Variants in GNAQ observed in about 807,000 individuals in gnomAD.
GNAQ encodes the protein G protein subunit alpha q, also known as guanine nucleotide-binding protein G(q) subunit alpha.
Under a neutral mutation model 43.9 loss-of-function variants are expected in GNAQ, and 8 were observed. The ratio of observed to expected loss-of-function variants is 0.18; its 90% CI spans 0.11 to 0.33. The LOEUF is 0.33. GNAQ is among the 10% of genes least tolerant of loss of function. The probability of loss-of-function intolerance (pLI) is 1.00; values close to 1 mark genes in which losing one functional copy is unlikely to be tolerated. For missense variants in GNAQ, 158 were observed against 450.8 expected (o/e 0.35, Z 5.88); for synonymous variants, 155 against 170.7 (o/e 0.91, Z 0.71).
chr9:77,947,655 C>T (rs951037449), intron 1 of GNAQ, among the ~76,000 whole-genome samples: 1 of 152,230 alleles, frequency 6.6e-6, no homozygotes, highest in African/African-American at 2.4e-5. Flanking sequence ...GCTGGAGAGA[C>T]AGTAAGTAGG....
intron 5 of GNAQ, among the ~76,000 whole-genome samples, chr9:77,753,287 G>GCA (rs1307299917): frequency 7.3e-5 from 11 of 150,870 alleles, no homozygotes; most frequent in Middle Eastern, 3.4e-3. Context: ...GCGTGCGCAC[G>GCA]CGCACACACA....
At chr9:77,950,174 C>T (rs180827013) in intron 1 of GNAQ, among the ~76,000 whole-genome samples, 4 of 152,304 alleles carry the variant, frequency 2.6e-5, no homozygotes, top group African/African-American at 9.6e-5. Context: ...GAAATGATTC[C>T]ATTAAGCTCA....
At position 77,987,859 on chromosome 9, in the gene GNAQ, C is replaced by T. The variant is rs371757687; in HGVS notation, c.136+43241G>A. Among the ~76,000 whole-genome samples, 13 of 152,042 alleles carry T rather than the reference C, an allele frequency of 8.6e-5. No homozygotes were observed. The South Asian group carries it at 1.5e-3, about 17-fold the overall frequency. Reference sequence around the variant, plus strand: ...CAGTGTGGGCAGCACAGTGAGACCCCCATCTCTAAAAAAGAAAAATACTAA... The same window carrying T: ...CAGTGTGGGCAGCACAGTGAGACCCTCATCTCTAAAAAAGAAAAATACTAA... On this transcript the variant is annotated intron_variant, in intron 1 of 6. Coordinates refer to ENST00000286548, the MANE Select transcript of GNAQ (RefSeq NM_002072.5).
At chr9:77,788,403 T>C (rs996783060) in intron 5 of GNAQ, among the ~76,000 whole-genome samples, 2 of 152,114 alleles carry the variant, frequency 1.3e-5, no homozygotes, top group Non-Finnish European at 2.9e-5. Flanking sequence ...AAAGACCAAA[T>C]TGCAAAATGA....
intron 2 of GNAQ, among the ~76,000 whole-genome samples, chr9:77,824,029 G>A (rs1827154963): frequency 1.3e-5 from 2 of 152,086 alleles, no homozygotes; most frequent in South Asian, 4.1e-4. Context: ...TAAAAAATGA[G>A]CAGAAATACT....
At chr9:77,979,067 T>C (rs915838722) in intron 1 of GNAQ, among the ~76,000 whole-genome samples, 14 of 151,322 alleles carry the variant, frequency 9.3e-5, no homozygotes, top group African/African-American at 3.2e-4. Flanking sequence ...AAAAATAAAA[T>C]AAAAATTCGG....
chr9:77,809,431 T>C (rs1463893035), intron 3 of GNAQ, among the ~76,000 whole-genome samples: 1 of 152,166 alleles, frequency 6.6e-6, no homozygotes, highest in Non-Finnish European at 1.5e-5. Context: ...GTGAACTCAT[T>C]TGACCTGATT....
At chr9:77,844,903 G>C (rs1262740057) in intron 2 of GNAQ, among the ~76,000 whole-genome samples, 1 of 152,104 alleles carries the variant, frequency 6.6e-6, no homozygotes, top group Non-Finnish European at 1.5e-5. Context: ...TCGAACTCCT[G>C]ACCTTGGGTG....
At chr9:77,912,935 T>G (rs945240220) in intron 2 of GNAQ, among the ~76,000 whole-genome samples, 1 of 152,094 alleles carries the variant, frequency 6.6e-6, no homozygotes. Flanking sequence ...CAGGAGTTCT[T>G]GACCAGCCTG....
chr9:77,834,995 G>A (rs1827360530), intron 2 of GNAQ, among the ~76,000 whole-genome samples: 3 of 152,106 alleles, frequency 2.0e-5, no homozygotes, highest in Admixed American at 2.0e-4. Flanking sequence ...TGAGGGAGAT[G>A]CATTTCAAGG....
chr9:77,866,034 T>C (rs1265894305), intron 2 of GNAQ, among the ~76,000 whole-genome samples: 4 of 152,216 alleles, frequency 2.6e-5, no homozygotes, highest in Admixed American at 6.5e-5. Context: ...GTTGCTATAA[T>C]AGATGTTTAC....
rs35071779 is a variant in GNAQ, at chr9:78,030,887, CTGTGTGTGTG to C, written c.136+203_136+212del. ...ACCCCTGTGCTGCGTGTGTGTGTCG[CTGTGTGTGTG>C]TGTGTGTGTGTGTGTGTGTGTGTCT... On this transcript the variant is annotated intron_variant, in intron 1 of 6. Transcript: ENST00000286548. 3.0e-3 allele frequency among the ~76,000 whole-genome samples: 436 copies of C among 146,146 alleles called. 6 individuals carry two copies. The highest frequency in any genetic ancestry group is 0.029 in the South Asian group (137 of 4,686).
chr9:77,775,013 C>T (rs1826285558), intron 5 of GNAQ, among the ~76,000 whole-genome samples: 1 of 152,106 alleles, frequency 6.6e-6, no homozygotes, highest in African/African-American at 2.4e-5. Context: ...TATTATATGT[C>T]TTTAAAAATC....
intron 2 of GNAQ, among the ~76,000 whole-genome samples, chr9:77,838,763 T>C (rs759253603): frequency 6.6e-6 from 1 of 152,116 alleles, no homozygotes; most frequent in Non-Finnish European, 1.5e-5. Context: ...TTCTGATTTG[T>C]CTACAAAGAG....
chr9:77,760,929 C>G (rs1347530621), intron 5 of GNAQ, among the ~76,000 whole-genome samples: 1 of 150,678 alleles, frequency 6.6e-6, no homozygotes, highest in African/African-American at 2.4e-5. Flanking sequence ...AGCATCTCTG[C>G]CCAGCCGCCC....
At chr9:78,028,059 C>A (rs551652448) in intron 1 of GNAQ, among the ~76,000 whole-genome samples, 123 of 152,148 alleles carry the variant, frequency 8.1e-4, no homozygotes, top group Non-Finnish European at 1.5e-3. Flanking sequence ...AGTGAATATT[C>A]ATGAAAATTA....
chr9:77,727,806 C>T (rs1825421011), intron 6 of GNAQ, among the ~76,000 whole-genome samples: 1 of 152,070 alleles, frequency 6.6e-6, no homozygotes, highest in Non-Finnish European at 1.5e-5. Flanking sequence ...GGGATCTCAA[C>T]CTTGATAGAC....
At chr9:77,991,259 A>G (rs998890529) in intron 1 of GNAQ, among the ~76,000 whole-genome samples, 1 of 152,190 alleles carries the variant, frequency 6.6e-6, no homozygotes, top group Non-Finnish European at 1.5e-5. Context: ...AACTAAACTG[A>G]TCCAACACTA....
chr9:77,847,321 C>G lies in GNAQ; in HGVS notation c.322-31551G>C, dbSNP rs549315836. On this transcript the variant is annotated intron_variant, in intron 2 of 6. Coordinates refer to ENST00000286548, the MANE Select transcript of GNAQ (RefSeq NM_002072.5). ...CGCTAATTATTAGGCAGAGACAAAC[C>G]CACAGTAATAACATAAACAACAAAG... is the stretch of plus-strand genomic sequence containing the variant. Among the ~76,000 whole-genome samples, 8 of 152,266 alleles carry G rather than the reference C, an allele frequency of 5.3e-5. No individual in the cohort carries two copies. In the South Asian group the frequency reaches 8.3e-4, roughly 16 times the overall value.
Sources: gnomAD v4.1 joint callset for allele counts (sites outside exome capture counted in the v4.1 genomes callset) on GRCh38, gnomAD v4.1.1 for gene constraint, MANE v1.5 for transcripts, NCBI Gene and HGNC (gene_info 2026-07-23, HGNC 2026-07-21) for gene names.